The following ITFG1 variants were observed in gnomAD, a reference collection of about 807,000 sequenced individuals.
ITFG1 encodes the protein integrin alpha FG-GAP repeat containing 1, also known as T-cell immunomodulatory protein.
ITFG1 carries 34 observed loss-of-function variants against 81.8 expected under a neutral mutation model. The observed-to-expected ratio is 0.42, with a 90% confidence interval of 0.32 to 0.55. The LOEUF (loss-of-function observed/expected upper bound fraction) is 0.55. Ranked by LOEUF, ITFG1 falls within the 20% of genes least tolerant of loss-of-function variation. The pLI, the probability that ITFG1 is intolerant of heterozygous loss-of-function variation, is 0.17. For synonymous variants in ITFG1, 285 were observed against 270.6 expected (o/e 1.05, Z -0.52); for missense variants, 672 against 755.4 (o/e 0.89, Z 1.29).
chr16:47,346,752 G>A (rs1231512720), intron 8 of ITFG1, among the ~76,000 whole-genome samples: 1 of 152,158 alleles, frequency 6.6e-6, no homozygotes, highest in Non-Finnish European at 1.5e-5. Flanking sequence ...AATGAGCAAT[G>A]AGATTGAATC....
intron 6 of ITFG1, among the ~76,000 whole-genome samples, chr16:47,376,351 A>G (rs980767043): frequency 7.9e-5 from 12 of 152,326 alleles, no homozygotes; most frequent in Non-Finnish European, 1.6e-4. Flanking sequence ...TATTTTAAAT[A>G]ACAGTATTTC....
At position 47,461,048 on chromosome 16, in the gene ITFG1, CA is replaced by C. The variant is rs1567265385; in HGVS notation, c.-4del. ...GGGAGCCGGCCCGCCGCCGCCATGG[CA>C]GCCCCTCAGCCCCCGCCCGCCGGCC... On this transcript the variant is annotated 5_prime_UTR_variant, in exon 1 of 18. Transcript: ENST00000320640. 1 of 1,531,248 alleles carries C rather than the reference CA, an allele frequency of 6.5e-7. No individual in the cohort carries two copies. Among genetic ancestry groups the C allele is most frequent in the Non-Finnish European group, 8.7e-7 (1 of 1,142,952 alleles). 94.9% of individuals were successfully genotyped at this position (1,531,248 alleles called of 1,614,324 possible).
intron 14 of ITFG1, among the ~76,000 whole-genome samples, chr16:47,168,405 G>C (rs1407676419): frequency 6.6e-6 from 1 of 152,072 alleles, no homozygotes; most frequent in Admixed American, 6.6e-5. Flanking sequence ...ACAGGCTCTT[G>C]CTCTGTCACC....
intron 6 of ITFG1, among the ~76,000 whole-genome samples, chr16:47,418,848 T>G (rs1256300364): frequency 6.6e-6 from 1 of 152,240 alleles, no homozygotes; most frequent in Non-Finnish European, 1.5e-5. Flanking sequence ...ATTGTTCTTT[T>G]TGCTCAGTAT....
In ITFG1 at chr16:47,457,599, CAG is replaced by C. The variant is rs149897505; in HGVS notation, c.281+1502_281+1503del. On this transcript the variant is annotated intron_variant, in intron 2 of 17. Coordinates refer to ENST00000320640, the MANE Select transcript of ITFG1 (RefSeq NM_030790.5). ...AAAGTGGTTGCATCTGAGAGAGAAA[CAG>C]GGGTGTGGGGGAGAATAAGGGTGAA... Among the ~76,000 whole-genome samples the C allele has an allele frequency of 1.8e-4, 27 of 152,056 alleles. No homozygotes were observed. In the East Asian group the frequency reaches 4.2e-3, roughly 24 times the overall value.
chr16:47,216,657 A>ATTAC (rs1555504532), intron 14 of ITFG1, among the ~76,000 whole-genome samples: 1 of 151,724 alleles, frequency 6.6e-6, no homozygotes, highest in African/African-American at 2.4e-5. Context: ...TTATTATTTT[A>ATTAC]TTATTTATTT....
intron 8 of ITFG1, among the ~76,000 whole-genome samples, chr16:47,324,532 ACGG>A (rs1967500654): frequency 6.6e-6 from 1 of 152,238 alleles, no homozygotes; most frequent in South Asian, 2.1e-4. Flanking sequence ...ATTAAAAGGC[ACGG>A]ACTGGCAAAT....
chr16:47,282,388 C>T (rs1966459602), intron 10 of ITFG1, among the ~76,000 whole-genome samples: 1 of 152,004 alleles, frequency 6.6e-6, no homozygotes, highest in Non-Finnish European at 1.5e-5. Context: ...AAGACAGTTC[C>T]AGCCATGTTG....
intron 10 of ITFG1, among the ~76,000 whole-genome samples, chr16:47,303,206 G>A (rs2151560538): frequency 6.6e-6 from 1 of 152,180 alleles, no homozygotes; most frequent in Non-Finnish European, 1.5e-5. Flanking sequence ...AGGGGGCGGA[G>A]CTTGCAGTGA....
intron 14 of ITFG1, among the ~76,000 whole-genome samples, chr16:47,187,511 A>G (rs922797210): frequency 6.6e-6 from 1 of 152,216 alleles, no homozygotes; most frequent in Admixed American, 6.5e-5. Flanking sequence ...AGCAATGGGG[A>G]AAGGATTCCC....
chr16:47,338,795 G>A (rs994686381), intron 8 of ITFG1, among the ~76,000 whole-genome samples: 2 of 151,838 alleles, frequency 1.3e-5, no homozygotes, highest in Admixed American at 1.3e-4. Flanking sequence ...ATTACCTCAA[G>A]CATTTGTCCT....
chr16:47,441,582 A>G (rs1397699046), intron 5 of ITFG1, among the ~76,000 whole-genome samples: 3 of 152,240 alleles, frequency 2.0e-5, no homozygotes, highest in African/African-American at 7.2e-5. Flanking sequence ...CAAAAACCAC[A>G]TGGTTATCTC....
chr16:47,197,609 C>A (rs1965374340), intron 14 of ITFG1, among the ~76,000 whole-genome samples: 1 of 152,248 alleles, frequency 6.6e-6, no homozygotes, highest in Non-Finnish European at 1.5e-5. Flanking sequence ...CATGGTCACT[C>A]AAATTGGCTC....
rs118154976 is a variant in ITFG1 at position 47,268,017 on chromosome 16, A to G, written c.1071-7322T>C. On this transcript the variant is annotated intron_variant, in intron 10 of 17. Transcript: ENST00000320640. Reference sequence around the variant, plus strand: ...AGCAAATAAAATGTAAATTAAGGAGAAAAAAGTAAATAATAGTAGAGAAAA... The same window carrying G: ...AGCAAATAAAATGTAAATTAAGGAGGAAAAAGTAAATAATAGTAGAGAAAA... Among the ~76,000 whole-genome samples the G allele has an allele frequency of 3.7e-3, 562 of 152,158 alleles. 3 individuals are homozygous for G. Among genetic ancestry groups the G allele is most frequent in the Non-Finnish European group, 4.9e-3 (334 of 67,942 alleles).
At chr16:47,305,357 T>C (rs1321511920) in intron 10 of ITFG1, among the ~76,000 whole-genome samples, 1 of 152,120 alleles carries the variant, frequency 6.6e-6, no homozygotes, top group Non-Finnish European at 1.5e-5. Flanking sequence ...ATCAGGGTAG[T>C]TATTGAGCTG....
chr16:47,208,075 A>G (rs1730514514), intron 14 of ITFG1, among the ~76,000 whole-genome samples: 1 of 152,200 alleles, frequency 6.6e-6, no homozygotes. Flanking sequence ...AAAAGCCAAG[A>G]CTTGAAATCA....
Position 47,244,986 on chromosome 16 carries a change from C to T in ITFG1, c.1331-6978G>A, listed in dbSNP as rs182651320. Reference sequence around the variant, plus strand: ...TGTGAGAAATAAATTTCTGTTAAGACACTCAGCCTGCGGTATTTTGTTATG... The same window carrying T: ...TGTGAGAAATAAATTTCTGTTAAGATACTCAGCCTGCGGTATTTTGTTATG... On this transcript the variant is annotated intron_variant, in intron 12 of 17. Transcript: ENST00000320640. Among the ~76,000 whole-genome samples the T allele has an allele frequency of 1.4e-4, 22 of 152,266 alleles. No individual in the cohort carries two copies. In the East Asian group the frequency reaches 4.1e-3, roughly 28 times the overall value.
chr16:47,405,352 G>T (rs745901043), intron 6 of ITFG1, among the ~76,000 whole-genome samples: 2 of 152,094 alleles, frequency 1.3e-5, no homozygotes, highest in Non-Finnish European at 2.9e-5. Flanking sequence ...TCTTAACCAG[G>T]TGACCACCTA....
At chr16:47,277,483 T>C (rs1596855919) in intron 10 of ITFG1, among the ~76,000 whole-genome samples, 1 of 152,154 alleles carries the variant, frequency 6.6e-6, no homozygotes, top group Non-Finnish European at 1.5e-5. Flanking sequence ...AATCCACAGG[T>C]AAGGAGAGCT....
Sources: gnomAD v4.1 joint callset for allele counts (sites outside exome capture counted in the v4.1 genomes callset) on GRCh38, gnomAD v4.1.1 for gene constraint, MANE v1.5 for transcripts, NCBI Gene and HGNC (gene_info 2026-07-23, HGNC 2026-07-21) for gene names.